The following ATXN7L1 variants were observed in gnomAD, a reference collection of about 807,000 sequenced individuals.
ATXN7L1 encodes the protein ataxin-7-like protein 1.
Under a neutral mutation model 70.8 loss-of-function variants are expected in ATXN7L1, and 15 were observed. The ratio of observed to expected loss-of-function variants is 0.21; its 90% CI spans 0.14 to 0.33. The LOEUF (loss-of-function observed/expected upper bound fraction) is 0.33. ATXN7L1 is among the 10% of genes least tolerant of loss of function. The pLI is 1.00. For synonymous variants in ATXN7L1, 440 were observed against 445.1 expected, an observed-to-expected ratio of 0.99 and a Z score of 0.14; for missense variants, 975 against 1,097.1, an observed-to-expected ratio of 0.89 and a Z score of 1.57.
chr7:105,657,030 G>C (rs952605763), intron 4 of ATXN7L1, among the ~76,000 whole-genome samples: 7 of 152,206 alleles, frequency 4.6e-5, no homozygotes, highest in African/African-American at 1.7e-4. Flanking sequence ...GAGCTATTTG[G>C]AAAGGGTGGC....
intron 2 of ATXN7L1, among the ~76,000 whole-genome samples, chr7:105,814,573 T>G (rs1187748587): frequency 6.6e-6 from 1 of 152,120 alleles, no homozygotes; most frequent in African/African-American, 2.4e-5. Context: ...TTCAGGCAGT[T>G]GCTTTTTGTT....
chr7:105,836,661 CAG>C (rs1458757152), intron 2 of ATXN7L1, among the ~76,000 whole-genome samples: 17 of 152,234 alleles, frequency 1.1e-4, no homozygotes, highest in Admixed American at 1.1e-3. Context: ...TGGCCCTGAA[CAG>C]AGTCTCAAAG....
chr7:105,733,844 A>ATCCG (rs1477640740), intron 3 of ATXN7L1, among the ~76,000 whole-genome samples: 2 of 74,888 alleles, frequency 2.7e-5, no homozygotes, highest in African/African-American at 1.4e-4. Flanking sequence ...CCGTCCACCC[A>ATCCG]TCCATCCATC....
chr7:105,676,228 T>A (rs1804627781), intron 3 of ATXN7L1, among the ~76,000 whole-genome samples: 1 of 152,106 alleles, frequency 6.6e-6, no homozygotes, highest in South Asian at 2.1e-4. Context: ...GGCCCAGTGG[T>A]AGCAGAGGGG....
chr7:105,675,884 CT>C (rs371890415), intron 3 of ATXN7L1, among the ~76,000 whole-genome samples: 3,639 of 142,828 alleles, frequency 0.025, 132 homozygotes, highest in African/African-American at 0.08. Context: ...TTCATTCACT[CT>C]TTTTTTTTTT....
In ATXN7L1 at chr7:105,613,903, C is replaced by T. The variant is rs140782480; in HGVS notation, c.2431G>A (p.Ala811Thr). The T allele has an allele frequency of 5.0e-5, 78 of 1,552,020 alleles. No individual in the cohort carries two copies. The highest frequency in any genetic ancestry group is 6.5e-5 in the Non-Finnish European group (75 of 1,146,994). ...CTGTTAACGGGATCGGGCACCGGTG[C>T]GAGAAGGCTGGGCGGGTTCTTTTTG... Reference protein sequence around the residue: ...VHKKNPPSLLAPVPDPVNSTS... With the variant: ...VHKKNPPSLLTPVPDPVNSTS... Residue 811 changes from alanine to threonine, a missense_variant, in exon 10 of 12, where the codon GCA becomes ACA. By Grantham distance (58) the Ala-to-Thr change is moderately conservative (BLOSUM62 0). Coordinates refer to ENST00000419735, the MANE Select transcript of ATXN7L1 (RefSeq NM_020725.2).
rs567896347 is a variant in ATXN7L1, at chr7:105,785,461, A to G, written c.355+3143T>C. 2.6e-5 allele frequency among the ~76,000 whole-genome samples: 4 copies of G among 152,310 alleles called. No homozygotes were observed. In the South Asian group the frequency reaches 8.3e-4, roughly 32 times the overall value. On this transcript the variant is annotated intron_variant, in intron 3 of 11. Coordinates refer to ENST00000419735, the MANE Select transcript of ATXN7L1 (RefSeq NM_020725.2). ...AGTCTGGATGACAGTCTGACTCAAA[A>G]AAAAACAAAACCCAAAAGACAAAAC...
At position 105,876,423 on chromosome 7, in the gene ATXN7L1, G is replaced by A; in HGVS notation, c.136C>T (p.Pro46Ser). 6.2e-7 allele frequency: 1 copy of A among 1,612,918 alleles called. No individual in the cohort carries two copies. The highest frequency in any genetic ancestry group is 8.5e-7 in the Non-Finnish European group (1 of 1,179,440). Residue 46 changes from proline to serine, a missense_variant, in exon 1 of 12, where the codon CCC (proline) becomes TCC (serine). By Grantham distance (74) the Pro-to-Ser change is moderately conservative. Coordinates refer to ENST00000419735, the MANE Select transcript of ATXN7L1 (RefSeq NM_020725.2). ...GCGGCGTCGATCCAGGAGGACCAGG[G>A]TTTGCCCAGAAACGCCTCCGGACTG... ...VPSPEAFLGKPWSSWIDAAKL... is the reference protein window; with the variant it reads ...VPSPEAFLGKSWSSWIDAAKL...
chr7:105,612,314 C>T (rs1276047462), intron 10 of ATXN7L1, among the ~76,000 whole-genome samples: 1 of 152,168 alleles, frequency 6.6e-6, no homozygotes, highest in African/African-American at 2.4e-5. Context: ...AGTTAATACA[C>T]CTGAAGTGCT....
chr7:105,612,577 T>A (rs1323883288), intron 10 of ATXN7L1, among the ~76,000 whole-genome samples: 1 of 152,072 alleles, frequency 6.6e-6, no homozygotes, highest in East Asian at 1.9e-4. Flanking sequence ...CCACCAGCAG[T>A]TTAGCCTCCA....
intron 3 of ATXN7L1, among the ~76,000 whole-genome samples, chr7:105,784,920 G>A (rs1052642881): frequency 6.6e-6 from 1 of 152,216 alleles, no homozygotes; most frequent in Non-Finnish European, 1.5e-5. Flanking sequence ...GGAGAAGGCT[G>A]CGTCCATGGG....
intron 7 of ATXN7L1, among the ~76,000 whole-genome samples, chr7:105,627,137 C>T (rs531679883): frequency 6.6e-6 from 1 of 152,272 alleles, no homozygotes; most frequent in South Asian, 2.1e-4. Flanking sequence ...ATGATAGGAC[C>T]TCCTTATCCT....
intron 3 of ATXN7L1, among the ~76,000 whole-genome samples, chr7:105,757,979 C>A (rs1238400479): frequency 6.6e-6 from 1 of 152,108 alleles, no homozygotes; most frequent in Non-Finnish European, 1.5e-5. Context: ...ACTTGTCTTC[C>A]CAGCTGGCTG....
chr7:105,725,046 C>T (rs567867767), intron 3 of ATXN7L1, among the ~76,000 whole-genome samples: 156 of 152,200 alleles, frequency 1.0e-3, no homozygotes, highest in Non-Finnish European at 1.8e-3. Context: ...TTCAGTACAA[C>T]TTCATCTTTA....
intron 3 of ATXN7L1, among the ~76,000 whole-genome samples, chr7:105,708,071 C>T (rs748870032): frequency 2.0e-5 from 3 of 152,266 alleles, no homozygotes; most frequent in East Asian, 1.9e-4. Flanking sequence ...CCAGACTGGG[C>T]GCGAAGTGTT....
At chr7:105,618,032 A>C in intron 9 of ATXN7L1, 1 of 456,762 alleles carries the variant, frequency 2.2e-6, no homozygotes, top group South Asian at 1.5e-5. Flanking sequence ...CAGTGACAGC[A>C]GATTGGTTAG....
chr7:105,865,652 T>C (rs573339538), intron 2 of ATXN7L1, among the ~76,000 whole-genome samples: 1 of 152,120 alleles, frequency 6.6e-6, no homozygotes, highest in Non-Finnish European at 1.5e-5. Context: ...CTGCCCACCT[T>C]GGCCTCCCAA....
intron 3 of ATXN7L1, among the ~76,000 whole-genome samples, chr7:105,786,027 G>A (rs1054561385): frequency 3.3e-5 from 5 of 152,170 alleles, no homozygotes; most frequent in Admixed American, 1.3e-4. Context: ...CCCACAAAGA[G>A]CTACAATGGT....
At chr7:105,636,453 C>G (rs1429133467) in intron 7 of ATXN7L1, among the ~76,000 whole-genome samples, 2 of 150,806 alleles carry the variant, frequency 1.3e-5, no homozygotes, top group Non-Finnish European at 1.5e-5. Flanking sequence ...CTCTGCCCCC[C>G]CCACCCCCAC....
Sources: allele counts gnomAD v4.1 joint callset (sites outside exome capture counted in the v4.1 genomes callset), GRCh38; gene constraint gnomAD v4.1.1; transcripts MANE v1.5; gene names NCBI Gene and HGNC (gene_info 2026-07-23, HGNC 2026-07-21).